The following PKN2 variants were observed in gnomAD, a reference collection of about 807,000 sequenced individuals.
PKN2 encodes protein kinase N2, also known as serine/threonine-protein kinase N2.
PKN2 carries 38 observed loss-of-function variants against 119.1 expected under a neutral mutation model. That is an observed-to-expected ratio of 0.32 (90% CI 0.25 to 0.42). The LOEUF (loss-of-function observed/expected upper bound fraction) is 0.42, where lower values mean the gene tolerates loss of function less well. Among genes scored for constraint, PKN2 ranks in the 10% least tolerant of loss-of-function variants. The pLI, the probability that PKN2 is intolerant of heterozygous loss-of-function variation, is 1.00. For missense variants in PKN2, 850 were observed against 1,165.1 expected (o/e 0.73, Z 3.94); for synonymous variants, 390 against 384.9 (o/e 1.01, Z -0.15).
At chr1:88,781,458 T>A (rs1408434877) in intron 6 of PKN2, among the ~76,000 whole-genome samples, 3 of 150,458 alleles carry the variant, frequency 2.0e-5, no homozygotes, top group Non-Finnish European at 4.4e-5. Flanking sequence ...TGAAAGAAAA[T>A]TTTTAAAGCA....
At chr1:88,711,650 ATG>A (rs557692574) in intron 1 of PKN2, among the ~76,000 whole-genome samples, 97 of 152,304 alleles carry the variant, frequency 6.4e-4, no homozygotes, top group African/African-American at 2.3e-3. Flanking sequence ...TTTTAATAAA[ATG>A]TATATGTATT....
intron 16 of PKN2, among the ~76,000 whole-genome samples, chr1:88,818,794 G>A (rs1672125024): frequency 1.3e-5 from 2 of 152,126 alleles, no homozygotes; most frequent in South Asian, 4.1e-4. Context: ...CAAGACTGCA[G>A]CAACCAAAAC....
intron 1 of PKN2, among the ~76,000 whole-genome samples, chr1:88,694,023 G>A (rs1474760058): frequency 6.6e-6 from 1 of 152,152 alleles, no homozygotes; most frequent in Non-Finnish European, 1.5e-5. Context: ...TCGAGAGGAA[G>A]GTCTAGAGAT....
rs114160172 is a variant in PKN2 at position 88,810,553 on chromosome 1, A to G, written c.2102+2778A>G. On this transcript the variant is annotated intron_variant, in intron 15 of 21. Transcript: ENST00000370521. ...TTTCCACTTCCTAGCTCATCTTTTT[A>G]AGCCATAGAGTTTGGTGTTATTGTT... Among the ~76,000 whole-genome samples the G allele has an allele frequency of 3.0e-3, 453 of 152,290 alleles. 4 individuals carry two copies. Among genetic ancestry groups the G allele is most frequent in the African/African-American group, 0.01 (431 of 41,546 alleles).
intron 1 of PKN2, among the ~76,000 whole-genome samples, chr1:88,706,482 G>T (rs867555169): frequency 2.0e-5 from 3 of 152,066 alleles, no homozygotes; most frequent in Middle Eastern, 6.8e-3. Context: ...TTCTTGCTTG[G>T]TTGCACTGGC....
At chr1:88,719,651 C>G (rs1667589819) in intron 1 of PKN2, among the ~76,000 whole-genome samples, 2 of 152,054 alleles carry the variant, frequency 1.3e-5, no homozygotes, top group African/African-American at 4.8e-5. Context: ...TGTGTCTGTG[C>G]TTATTTAAAA....
At chr1:88,736,844 A>G (rs1447847012) in intron 1 of PKN2, among the ~76,000 whole-genome samples, 1 of 152,168 alleles carries the variant, frequency 6.6e-6, no homozygotes. Flanking sequence ...CCGTAAGCCC[A>G]GGTTTGCAGT....
chr1:88,822,432 G>T (rs1334544805), intron 17 of PKN2, among the ~76,000 whole-genome samples: 1 of 152,148 alleles, frequency 6.6e-6, no homozygotes, highest in African/African-American at 2.4e-5. Flanking sequence ...ACTAAATAGT[G>T]TATTGGTGAT....
At chr1:88,712,456 A>G (rs772951755) in intron 1 of PKN2, among the ~76,000 whole-genome samples, 2 of 152,100 alleles carry the variant, frequency 1.3e-5, no homozygotes, top group Non-Finnish European at 2.9e-5. Context: ...CTTTTATACT[A>G]CCTATGGTGG....
At chr1:88,747,550 TC>T (rs1218619156) in intron 2 of PKN2, among the ~76,000 whole-genome samples, 1 of 152,140 alleles carries the variant, frequency 6.6e-6, no homozygotes, top group Non-Finnish European at 1.5e-5. Flanking sequence ...TTGAGAAAGA[TC>T]CGGTTTCCTG....
chr1:88,731,028 A>G (rs922287867), intron 1 of PKN2, among the ~76,000 whole-genome samples: 4 of 152,208 alleles, frequency 2.6e-5, no homozygotes, highest in African/African-American at 9.6e-5. Context: ...TGCTCTTTCA[A>G]ATTATATTTG....
At chr1:88,709,644 G>A (rs1049106635) in intron 1 of PKN2, among the ~76,000 whole-genome samples, 10 of 152,142 alleles carry the variant, frequency 6.6e-5, no homozygotes, top group African/African-American at 2.2e-4. Flanking sequence ...ATGTCACTGA[G>A]TAAAAATATA....
intron 1 of PKN2, among the ~76,000 whole-genome samples, chr1:88,706,294 G>C (rs559946969): frequency 6.6e-6 from 1 of 152,050 alleles, no homozygotes; most frequent in Non-Finnish European, 1.5e-5. Context: ...ATCATTCCTA[G>C]TATATAGAAG....
chr1:88,815,403 C>T (rs1462150839), intron 16 of PKN2: 1 of 344,210 alleles, frequency 2.9e-6, no homozygotes, highest in South Asian at 2.2e-5. Flanking sequence ...ACATCACTAA[C>T]CAATTCAGTT....
intron 6 of PKN2, among the ~76,000 whole-genome samples, chr1:88,778,866 A>G (rs910153480): frequency 1.3e-5 from 2 of 152,058 alleles, no homozygotes; most frequent in Non-Finnish European, 1.5e-5. Context: ...GGCGCCCAAC[A>G]CCATGCCTAG....
chr1:88,792,066 C>G (rs1386854635), intron 8 of PKN2, among the ~76,000 whole-genome samples: 1 of 152,158 alleles, frequency 6.6e-6, no homozygotes, highest in Non-Finnish European at 1.5e-5. Context: ...TAACACTTAT[C>G]TTTTTTACCC....
intron 19 of PKN2, 25 bp downstream of exon 19, chr1:88,828,648 G>C: frequency 1.3e-6 from 2 of 1,579,500 alleles, no homozygotes; most frequent in African/African-American, 2.7e-5. Context: ...ATAGGTAAGA[G>C]AACAGAGGAA....
chr1:88,798,392 T>A (rs1244240382), intron 8 of PKN2, among the ~76,000 whole-genome samples: 1 of 151,998 alleles, frequency 6.6e-6, no homozygotes, highest in Non-Finnish European at 1.5e-5. Flanking sequence ...AATAAATAAA[T>A]AAAATGAAAT....
At chr1:88,705,842 C>T (rs998479115) in intron 1 of PKN2, among the ~76,000 whole-genome samples, 3 of 151,822 alleles carry the variant, frequency 2.0e-5, no homozygotes, top group Non-Finnish European at 4.4e-5. Flanking sequence ...TTGCCAGTCC[C>T]ATGCTGTATT....
Sources: gnomAD v4.1 joint callset for allele counts (sites outside exome capture counted in the v4.1 genomes callset) on GRCh38, gnomAD v4.1.1 for gene constraint, MANE v1.5 for transcripts, NCBI Gene and HGNC (gene_info 2026-07-23, HGNC 2026-07-21) for gene names.